TNR: variants seen among roughly 807,000 people sequenced by gnomAD.
TNR encodes tenascin R.
A neutral mutation model predicts 150.4 loss-of-function variants in TNR; 45 were observed. That is an observed-to-expected ratio of 0.30 (90% confidence interval 0.24 to 0.38). The LOEUF (loss-of-function observed/expected upper bound fraction) is 0.38. Ranked by LOEUF, TNR falls within the 10% of genes least tolerant of loss-of-function variation. TNR has a pLI of 1.00. For missense variants in TNR, 1,544 were observed against 1,759.1 expected (o/e 0.88, Z 2.19); for synonymous variants, 687 against 678.4 (o/e 1.01, Z -0.20).
intron 19 of TNR, among the ~76,000 whole-genome samples, chr1:175,336,201 C>T (rs76922745): frequency 4.3e-4 from 65 of 152,312 alleles, no homozygotes; most frequent in African/African-American, 1.5e-3. Context: ...AAGAACAGGA[C>T]CAACTTCAAA....
intron 8 of TNR, among the ~76,000 whole-genome samples, chr1:175,381,260 T>C (rs1042694628): frequency 1.3e-5 from 2 of 152,208 alleles, no homozygotes; most frequent in Non-Finnish European, 2.9e-5. Flanking sequence ...TGGACTGGGC[T>C]TGGGGTGTGC....
intron 2 of TNR, among the ~76,000 whole-genome samples, chr1:175,483,540 C>T (rs1657890237): frequency 6.6e-6 from 1 of 152,110 alleles, no homozygotes; most frequent in African/African-American, 2.4e-5. Context: ...AAAATGGGCA[C>T]TGTGTAAATA....
At chr1:175,410,541 G>T (rs993710663) in intron 2 of TNR, among the ~76,000 whole-genome samples, 2 of 152,164 alleles carry the variant, frequency 1.3e-5, no homozygotes, top group African/African-American at 4.8e-5. Flanking sequence ...AAAGTGGGTG[G>T]GGTGGCCATC....
At chr1:175,476,234 C>A (rs1657541623) in intron 2 of TNR, among the ~76,000 whole-genome samples, 1 of 152,194 alleles carries the variant, frequency 6.6e-6, no homozygotes, top group African/African-American at 2.4e-5. Flanking sequence ...GATCACAGGA[C>A]AAGGTGATCT....
Position 175,674,206 on chromosome 1 carries a change from G to A in TNR, c.-165+69020C>T, listed in dbSNP as rs187415574. On this transcript the variant is annotated intron_variant, in intron 1 of 22. Transcript: ENST00000367674. ...AGTCCTACCTGGGGAAAAGTTAAAG[G>A]AAAAGGGAAAAGGGCCAAGGAAGTG... 5.3e-5 allele frequency among the ~76,000 whole-genome samples: 8 copies of A among 152,324 alleles called. No homozygotes were observed. The East Asian group carries it at 7.7e-4, about 15-fold the overall frequency.
chr1:175,406,661 G>A lies in TNR; in HGVS notation c.54C>T (p.Asn18=), dbSNP rs1181220756. The change falls in exon 3 of 23, where the codon AAC becomes AAT. Residue 18 remains asparagine, a synonymous_variant. Transcript: ENST00000367674. ...VVLKNMLIGI[N]LILLGSMIKP... is the part of the protein sequence containing the mutation. ...TGATCATGGAGCCCAGAAGGATCAG[G>A]TTGATGCCAATGAGCATGTTCTTCA... 6.2e-7 allele frequency: 1 copy of A among 1,614,188 alleles called. No individual in the cohort carries two copies. Among genetic ancestry groups the A allele is most frequent in the Non-Finnish European group, 8.5e-7 (1 of 1,180,036 alleles).
intron 2 of TNR, among the ~76,000 whole-genome samples, chr1:175,492,290 C>CCCTTGTTTA (rs1159943206): frequency 1.3e-5 from 2 of 152,200 alleles, no homozygotes; most frequent in Admixed American, 6.5e-5. Context: ...TTGCATGTCT[C>CCCTTGTTTA]CCTTGTTTAG....
chr1:175,697,066 G>C (rs1315570494), intron 1 of TNR, among the ~76,000 whole-genome samples: 2 of 151,578 alleles, frequency 1.3e-5, no homozygotes, highest in Non-Finnish European at 2.9e-5. Context: ...CCAGAAACCT[G>C]TTTATCCCAA....
chr1:175,656,861 G>T (rs1411283049), intron 1 of TNR, among the ~76,000 whole-genome samples: 1 of 152,184 alleles, frequency 6.6e-6, no homozygotes. Flanking sequence ...GTGTGTAAAA[G>T]AATGCAAATG....
rs1175417330 is a variant in TNR at position 175,680,796 on chromosome 1, A to T, written c.-165+62430T>A. On this transcript the variant is annotated intron_variant, in intron 1 of 22. Transcript: ENST00000367674. ...AAGGACTGAGTACCAGTGTGTCTACAAACAGGGCAGCATTGCCTGCCTTGC... is the reference window on the plus strand; with the variant it reads ...AAGGACTGAGTACCAGTGTGTCTACTAACAGGGCAGCATTGCCTGCCTTGC... 2.0e-5 allele frequency among the ~76,000 whole-genome samples: 3 copies of T among 152,206 alleles called. No individual in the cohort carries two copies. In the South Asian group the frequency reaches 6.2e-4, roughly 31 times the overall value.
intron 1 of TNR, among the ~76,000 whole-genome samples, chr1:175,656,141 AGTGTGTGTGTGTGTGTGTGTGTGTGT>A (rs575020723): frequency 8.1e-6 from 1 of 123,824 alleles, no homozygotes; most frequent in African/African-American, 3.1e-5. Context: ...GGAAGGTTGA[AGTGTGTGTGTGTGTGTGTGTGTGTGT>A]GTGTGTGTGT....
chr1:175,584,536 TAA>T (rs1414762883), intron 1 of TNR, among the ~76,000 whole-genome samples: 6 of 152,186 alleles, frequency 3.9e-5, no homozygotes, highest in African/African-American at 1.2e-4. Context: ...CCAAGGAAAC[TAA>T]TATAGGTGGC....
chr1:175,399,555 A>G (rs896656352), intron 4 of TNR, among the ~76,000 whole-genome samples: 3 of 152,246 alleles, frequency 2.0e-5, no homozygotes, highest in African/African-American at 7.2e-5. Context: ...AATGGAGGAG[A>G]CCACCACCAC....
chr1:175,650,725 T>TC (rs1664937684), intron 1 of TNR, among the ~76,000 whole-genome samples: 1 of 32,990 alleles, frequency 3.0e-5, no homozygotes, highest in Non-Finnish European at 5.9e-5. Context: ...CCCCTACCCC[T>TC]CCCCGCCTCA....
intron 2 of TNR, among the ~76,000 whole-genome samples, chr1:175,497,229 C>T (rs926875712): frequency 6.6e-6 from 1 of 152,204 alleles, no homozygotes; most frequent in Non-Finnish European, 1.5e-5. Context: ...CTTCCCTTCA[C>T]TTCTCCTCGG....
intron 1 of TNR, among the ~76,000 whole-genome samples, chr1:175,588,608 C>T (rs1662671918): frequency 6.6e-6 from 1 of 152,064 alleles, no homozygotes; most frequent in Admixed American, 6.5e-5. Context: ...ATTAATCAAA[C>T]ACGGGCTGCT....
chr1:175,636,894 G>A (rs1664506878), intron 1 of TNR, among the ~76,000 whole-genome samples: 1 of 152,196 alleles, frequency 6.6e-6, no homozygotes, highest in African/African-American at 2.4e-5. Flanking sequence ...AGTTCCCTTT[G>A]CGACCTCCAT....
rs189974892 is a variant in TNR at position 175,470,707 on chromosome 1, A to G, written c.-64+57562T>C. Among the ~76,000 whole-genome samples the G allele has an allele frequency of 8.5e-5, 13 of 152,288 alleles. No individual in the cohort carries two copies. In the East Asian group the frequency reaches 2.5e-3, roughly 29 times the overall value. The stretch of plus-strand genomic sequence containing the variant: ...ATACACAATTAAGTTGTTATTGTCT[A>G]TAGTCATCCTATTGTGCTATCAAAT... On this transcript the variant is annotated intron_variant, in intron 2 of 22. Coordinates refer to ENST00000367674, the MANE Select transcript of TNR (RefSeq NM_003285.3).
chr1:175,598,119 C>T (rs896779805), intron 1 of TNR, among the ~76,000 whole-genome samples: 1 of 152,102 alleles, frequency 6.6e-6, no homozygotes, highest in East Asian at 1.9e-4. Context: ...GGCAAGGGAC[C>T]GTCCTTGCAT....
Sources: gnomAD v4.1 joint callset for allele counts (sites outside exome capture counted in the v4.1 genomes callset) on GRCh38, gnomAD v4.1.1 for gene constraint, MANE v1.5 for transcripts, NCBI Gene and HGNC (gene_info 2026-07-23, HGNC 2026-07-21) for gene names.